SLC10A7: variants seen among roughly 807,000 people sequenced by gnomAD.
SLC10A7 encodes the protein solute carrier family 10 member 7.
In SLC10A7, 29 loss-of-function variants were observed where a neutral mutation model predicts 43.2. That is an observed-to-expected ratio of 0.67 (90% confidence interval 0.50 to 0.92). The LOEUF is 0.92. Among genes scored for constraint, SLC10A7 ranks in the 40% least tolerant of loss-of-function variants. The pLI, the probability that SLC10A7 is intolerant of heterozygous loss-of-function variation, is 0.00. For synonymous variants in SLC10A7, 152 were observed against 144.8 expected, an observed-to-expected ratio of 1.05 and a Z score of -0.35; for missense variants, 295 against 403.2, an observed-to-expected ratio of 0.73 and a Z score of 2.30.
At chr4:146,492,411 A>C (rs756863921) in intron 4 of SLC10A7, among the ~76,000 whole-genome samples, 3 of 152,050 alleles carry the variant, frequency 2.0e-5, no homozygotes, top group Non-Finnish European at 4.4e-5. Flanking sequence ...TCTTTCCCCC[A>C]GGCTGGAGTG....
intron 5 of SLC10A7, among the ~76,000 whole-genome samples, chr4:146,379,339 T>C (rs1737437390): frequency 6.6e-6 from 1 of 152,206 alleles, no homozygotes; most frequent in South Asian, 2.1e-4. Flanking sequence ...TCTCTTTGTT[T>C]AATTGATGAA....
At chr4:146,353,414 G>T (rs1179482518) in intron 5 of SLC10A7, among the ~76,000 whole-genome samples, 3 of 142,896 alleles carry the variant, frequency 2.1e-5, no homozygotes, top group Non-Finnish European at 3.0e-5. Flanking sequence ...CAACCAAAAA[G>T]ATTCCAGGAC....
At position 146,454,220 on chromosome 4, in the gene SLC10A7, A is replaced by G. The variant is rs375589898; in HGVS notation, c.397-11399T>C. On this transcript the variant is annotated intron_variant, in intron 4 of 11. Transcript: ENST00000335472. The stretch of plus-strand genomic sequence containing the variant: ...AATATTAGCAAGAAATATTTAATTC[A>G]AGATTTTAAAATCTGCCTTATAATT... 1.1e-4 allele frequency among the ~76,000 whole-genome samples: 16 copies of G among 152,074 alleles called. No homozygotes were observed. The South Asian group carries it at 3.1e-3, about 30-fold the overall frequency.
At chr4:146,466,669 C>T (rs1372398654) in intron 4 of SLC10A7, among the ~76,000 whole-genome samples, 2 of 152,158 alleles carry the variant, frequency 1.3e-5, no homozygotes, top group Non-Finnish European at 2.9e-5. Flanking sequence ...TATTGAGCAC[C>T]TTCTATATGC....
At chr4:146,452,089 A>G (rs1043930171) in intron 4 of SLC10A7, among the ~76,000 whole-genome samples, 3 of 152,258 alleles carry the variant, frequency 2.0e-5, no homozygotes, top group Middle Eastern at 3.4e-3. Context: ...AACAAGGAAA[A>G]AATAATAAAG....
At chr4:146,372,369 A>C (rs1234044520) in intron 5 of SLC10A7, among the ~76,000 whole-genome samples, 1 of 151,252 alleles carries the variant, frequency 6.6e-6, no homozygotes, top group African/African-American at 2.4e-5. Flanking sequence ...TGGCAGGAAC[A>C]CTTGAGCCTG....
intron 5 of SLC10A7, among the ~76,000 whole-genome samples, chr4:146,387,683 A>G (rs1738111348): frequency 1.3e-5 from 2 of 152,212 alleles, no homozygotes; most frequent in African/African-American, 2.4e-5. Context: ...AGAAAACCCT[A>G]AAGACTCCTA....
chr4:146,505,727 C>T (rs1052945366), intron 3 of SLC10A7, among the ~76,000 whole-genome samples: 16 of 152,164 alleles, frequency 1.1e-4, no homozygotes, highest in South Asian at 2.1e-4. Flanking sequence ...CAAAGAGCTA[C>T]TAGAGTCGTC....
At chr4:146,267,261 G>A (rs961236743) in intron 10 of SLC10A7, among the ~76,000 whole-genome samples, 2 of 152,176 alleles carry the variant, frequency 1.3e-5, no homozygotes, top group East Asian at 3.8e-4. Context: ...TGACTTGCCT[G>A]TGAGATCAGT....
intron 5 of SLC10A7, among the ~76,000 whole-genome samples, chr4:146,392,100 G>A (rs1738474150): frequency 6.6e-6 from 1 of 152,182 alleles, no homozygotes; most frequent in Admixed American, 6.5e-5. Context: ...GGGATGCTCA[G>A]TATGATCTAT....
intron 5 of SLC10A7, among the ~76,000 whole-genome samples, chr4:146,411,959 A>G (rs979944647): frequency 1.3e-5 from 2 of 152,222 alleles, no homozygotes; most frequent in South Asian, 2.1e-4. Flanking sequence ...TATTTCACAC[A>G]ATAAAATGAA....
chr4:146,379,502 A>G (rs1407333369), intron 5 of SLC10A7, among the ~76,000 whole-genome samples: 1 of 152,148 alleles, frequency 6.6e-6, no homozygotes, highest in Non-Finnish European at 1.5e-5. Context: ...TATATTCAAA[A>G]CTAGGATAGC....
intron 4 of SLC10A7, among the ~76,000 whole-genome samples, chr4:146,483,464 T>A (rs1203473790): frequency 4.0e-5 from 6 of 151,258 alleles, no homozygotes; most frequent in African/African-American, 1.5e-4. Context: ...AAAAAAACCC[T>A]ACATCATATA....
chr4:146,295,870 T>A (rs767459984), intron 7 of SLC10A7, among the ~76,000 whole-genome samples: 5 of 152,114 alleles, frequency 3.3e-5, no homozygotes, highest in Non-Finnish European at 7.4e-5. Flanking sequence ...ACCACAAAAT[T>A]TCTCTCTCTG....
Position 146,411,800 on chromosome 4 carries a change from G to A in SLC10A7, c.435+30983C>T, listed in dbSNP as rs575535938. Reference sequence around the variant, plus strand: ...GCCTATAGGTGATCTGTTTCTTGGTGTACTTTTTAAAATATAGAGATGTAA... The same window carrying A: ...GCCTATAGGTGATCTGTTTCTTGGTATACTTTTTAAAATATAGAGATGTAA... On this transcript the variant is annotated intron_variant, in intron 5 of 11. Transcript: ENST00000335472. 1.9e-4 allele frequency among the ~76,000 whole-genome samples: 29 copies of A among 152,152 alleles called. No homozygotes were observed. The South Asian group carries it at 5.4e-3, about 28-fold the overall frequency.
chr4:146,409,640 T>C (rs1425876433), intron 5 of SLC10A7, among the ~76,000 whole-genome samples: 1 of 152,142 alleles, frequency 6.6e-6, no homozygotes, highest in African/African-American at 2.4e-5. Context: ...AATTTTAAAA[T>C]CGGGGAATAG....
intron 4 of SLC10A7, among the ~76,000 whole-genome samples, chr4:146,445,771 C>A (rs1043453729): frequency 6.6e-6 from 1 of 152,042 alleles, no homozygotes; most frequent in African/African-American, 2.4e-5. Flanking sequence ...TGGAATGGGA[C>A]GAAAATCTTC....
At chr4:146,333,869 A>G (rs72950664) in intron 5 of SLC10A7, among the ~76,000 whole-genome samples, 158 of 152,164 alleles carry the variant, frequency 1.0e-3, no homozygotes, top group African/African-American at 3.4e-3. Context: ...AGAAGATTAG[A>G]GTGAGGCAGG....
chr4:146,436,071 T>C (rs1201585379), intron 5 of SLC10A7, among the ~76,000 whole-genome samples: 2 of 148,656 alleles, frequency 1.3e-5, no homozygotes, highest in African/African-American at 2.5e-5. Context: ...ATTATTAAAA[T>C]AAAAAAAAAA....
Sources: gnomAD v4.1 joint callset for allele counts (sites outside exome capture counted in the v4.1 genomes callset) on GRCh38, gnomAD v4.1.1 for gene constraint, MANE v1.5 for transcripts, NCBI Gene and HGNC (gene_info 2026-07-23, HGNC 2026-07-21) for gene names.